The following FES variants were observed in gnomAD, a reference collection of about 807,000 sequenced individuals.
The protein encoded by FES is FES proto-oncogene, tyrosine kinase, also known as tyrosine-protein kinase Fes/Fps.
A neutral mutation model predicts 109.6 loss-of-function variants in FES; 83 were observed. The ratio of observed to expected loss-of-function variants is 0.76; its 90% confidence interval spans 0.63 to 0.91. The LOEUF (loss-of-function observed/expected upper bound fraction) is 0.91. Ranked by LOEUF, FES falls within the 40% of genes least tolerant of loss-of-function variation. The pLI is 0.00. For synonymous variants in FES, 458 were observed against 442.1 expected (o/e 1.04, Z -0.45); for missense variants, 943 against 1,070.9 (o/e 0.88, Z 1.67).
intron 10 of FES, 73 bp downstream of exon 10, chr15:90,890,557 G>A: frequency 7.2e-7 from 1 of 1,389,098 alleles, no homozygotes. Context: ...CTAGAGAGGA[G>A]GCTCTGCCCA....
At position 90,885,579 on chromosome 15, in the gene FES, C is replaced by T. The variant is rs1253773966; in HGVS notation, c.381C>T (p.Leu127=). The T allele has an allele frequency of 1.9e-6, 3 of 1,612,660 alleles. No individual in the cohort carries two copies. The highest frequency in any genetic ancestry group is 2.5e-6 in the Non-Finnish European group (3 of 1,179,830). The change falls in exon 3 of 19, where the codon CTC becomes CTT. Residue 127 remains leucine (L), a synonymous_variant. Transcript: ENST00000328850. ...SEQWQQLQQE[L]TKTHSQDIEK... is the part of the protein sequence containing the mutation. ...AGTGGCAGCAGCTGCAGCAGGAGCTCACCAAGGTGAGCGGGCAGCACTGGG... is the reference window on the plus strand; with the variant it reads ...AGTGGCAGCAGCTGCAGCAGGAGCTTACCAAGGTGAGCGGGCAGCACTGGG...
intron 11 of FES, 169 bp downstream of exon 11, chr15:90,891,360 A>G (rs1002275129): frequency 1.3e-5 from 14 of 1,050,612 alleles, no homozygotes; most frequent in Non-Finnish European, 1.8e-5. Context: ...GCAACAAAAT[A>G]GAGGCTTAAG....
chr15:90,890,541 G>A, intron 10 of FES, 57 bp downstream of exon 10: 1 of 1,496,332 alleles, frequency 6.7e-7, no homozygotes, highest in East Asian at 2.3e-5. Flanking sequence ...TAATCACTGG[G>A]ATGTCCTAGA....
Position 90,890,586 on chromosome 15 carries a change from G to C in FES, c.1320+102G>C, listed in dbSNP as rs1180917971. The C allele has an allele frequency of 6.5e-6, 7 of 1,078,550 alleles. No homozygotes were observed. In the Admixed American group the frequency reaches 1.6e-4, roughly 25 times the overall value. 66.8% of individuals were successfully genotyped at this position (1,078,550 alleles called of 1,614,324 possible). ...CTGCCCAGGCTGCTTGTATTGGGAAGTTCCTCTCTTCCCTGGGATTCCAGG... is the reference window on the plus strand; with the variant it reads ...CTGCCCAGGCTGCTTGTATTGGGAACTTCCTCTCTTCCCTGGGATTCCAGG... On this transcript the variant is annotated intron_variant, in intron 10 of 18. Transcript: ENST00000328850.
At chr15:90,891,269 A>C (rs1474297747) in intron 11 of FES, 78 bp downstream of exon 11, 13 of 1,496,002 alleles carry the variant, frequency 8.7e-6, no homozygotes, top group Non-Finnish European at 1.2e-5. Context: ...ATGGCCTTTC[A>C]GGGTAGGGGG....
Position 90,892,562 on chromosome 15 carries a change from G to T in FES, c.1708-145G>T. ...CCCCATGTGCTCTCTAGGTTCCCCA[G>T]CGAGGGTCAAACTCCCAGAGAGCCT... On this transcript the variant is annotated intron_variant, in intron 13 of 18. Transcript: ENST00000328850. 16 of 678,232 alleles carry T rather than the reference G, an allele frequency of 2.4e-5. No homozygotes were observed. In the South Asian group the frequency reaches 2.9e-4, roughly 12 times the overall value. The allele number at this position is 678,232 out of a possible 1,614,324, so 42.0% of individuals were successfully genotyped here.
rs753989603 is a variant in FES at position 90,885,161 on chromosome 15, A to G, written c.116A>G (p.Lys39Arg). The G allele has an allele frequency of 6.2e-7, 1 of 1,613,948 alleles. No homozygotes were observed. The highest frequency in any genetic ancestry group is 8.5e-7 in the Non-Finnish European group (1 of 1,180,024). Reference protein sequence around the residue: ...GMRKWMAQRVKSDREYAGLLH... With the variant: ...GMRKWMAQRVRSDREYAGLLH... ...AGAAAGTGGATGGCCCAGCGGGTCA[A>G]GAGTGACAGGGAGTATGCAGGACTG... is the stretch of plus-strand genomic sequence containing the variant. The change falls in exon 2 of 19, where the codon AAG (lysine) becomes AGG (arginine). Residue 39 changes from lysine (K) to arginine (R), a missense_variant. Lys to Arg is a conservative substitution (Grantham distance 26). Coordinates refer to ENST00000328850, the MANE Select transcript of FES (RefSeq NM_002005.4).
chr15:90,891,047 C>G lies in FES; in HGVS notation c.1386C>G (p.His462Gln). 6.3e-7 allele frequency: 1 copy of G among 1,598,912 alleles called. No individual in the cohort carries two copies. The highest frequency in any genetic ancestry group is 8.5e-7 in the Non-Finnish European group (1 of 1,172,610). ...QKPLHEQLWY[H>Q]GAIPRAEVAE... ...CCCTGCATGAGCAGCTGTGGTACCACGGGGCCATCCCGAGGGCAGAGGTGG... is the reference window on the plus strand; with the variant it reads ...CCCTGCATGAGCAGCTGTGGTACCAGGGGGCCATCCCGAGGGCAGAGGTGG... The change falls in exon 11 of 19, where the codon CAC becomes CAG. Residue 462 changes from histidine to glutamine, a missense_variant. By Grantham distance (24) the His-to-Gln change is conservative. Transcript: ENST00000328850.
At chr15:90,894,355 C>T (rs2033517084) in intron 18 of FES, among the ~76,000 whole-genome samples, 1 of 152,126 alleles carries the variant, frequency 6.6e-6, no homozygotes, top group Non-Finnish European at 1.5e-5. Context: ...GAGGCCGAGG[C>T]AGGTGGATCA....
rs746684562 is a variant in FES, at chr15:90,895,459, C to T, written c.2370C>T (p.Phe790=). 6.9e-6 allele frequency: 11 copies of T among 1,587,978 alleles called. No homozygotes were observed. In the South Asian group the frequency reaches 1.1e-4, roughly 16 times the overall value. The change falls in exon 19 of 19, where the codon TTC becomes TTT. Residue 790 remains phenylalanine (F), a synonymous_variant. Transcript: ENST00000328850. ...PCPELCPDAV[F]RLMEQCWAYE... is the part of the protein sequence containing the mutation. ...CAGAGCTGTGTCCTGATGCCGTGTTCAGGCTCATGGAGCAGTGCTGGGCCT... is the reference window on the plus strand; with the variant it reads ...CAGAGCTGTGTCCTGATGCCGTGTTTAGGCTCATGGAGCAGTGCTGGGCCT...
rs751635814 is a variant in FES, at chr15:90,892,807, A to G, written c.1808A>G (p.Lys603Arg). ...ACGCTCCCACCTGACCTCAAGGCCA[A>G]GTTTCTACAGGAAGCGAGGTGGGTG... is the stretch of plus-strand genomic sequence containing the variant. ...RETLPPDLKA[K>R]FLQEARILKQ... The change falls in exon 14 of 19, where the codon AAG becomes AGG. Residue 603 changes from lysine to arginine, a missense_variant. Lys to Arg is a conservative substitution (Grantham distance 26). Coordinates refer to ENST00000328850, the MANE Select transcript of FES (RefSeq NM_002005.4). 7.2e-5 allele frequency: 116 copies of G among 1,613,722 alleles called. No homozygotes were observed. The highest frequency in any genetic ancestry group is 9.2e-5 in the Non-Finnish European group (108 of 1,179,866).
chr15:90,892,556 TC>T, intron 13 of FES, 150 bp from the exon 14 acceptor site: 2 of 652,720 alleles, frequency 3.1e-6, no homozygotes, highest in South Asian at 2.0e-5. Context: ...CTCTCTAGGT[TC>T]CCCAGCGAGG....
chr15:90,891,372 G>GT (rs1193071232), intron 11 of FES, 181 bp downstream of exon 11: 6 of 1,057,860 alleles, frequency 5.7e-6, no homozygotes, highest in Non-Finnish European at 8.3e-6. Flanking sequence ...AGGCTTAAGT[G>GT]TGAGTCCTCC....
In FES at chr15:90,891,541, C is replaced by T; in HGVS notation, c.1531-13C>T. The T allele has an allele frequency of 1.2e-6, 2 of 1,613,412 alleles. No individual in the cohort carries two copies. Among genetic ancestry groups the T allele is most frequent in the African/African-American group, 1.3e-5 (1 of 75,066 alleles). ...GAATGGAGGCTGCTGACCCCGGGTC[C>T]CCTGCCCTGCAGAACCTGTACCGAC... is the stretch of plus-strand genomic sequence containing the variant. On this transcript the variant is annotated splice_polypyrimidine_tract_variant and intron_variant, in intron 11 of 18. Coordinates refer to ENST00000328850, the MANE Select transcript of FES (RefSeq NM_002005.4).
rs1225662237 is a variant in FES at position 90,894,012 on chromosome 15, C to G, written c.2280C>G (p.Pro760=). ...AGACCTTCAGCCTGGGGGCCTCCCCCTATCCCAACCTCAGCAATCAGCAGA... is the reference window on the plus strand; with the variant it reads ...AGACCTTCAGCCTGGGGGCCTCCCCGTATCCCAACCTCAGCAATCAGCAGA... ...LWETFSLGAS[P]YPNLSNQQTR... The change falls in exon 18 of 19, where the codon CCC becomes CCG. Residue 760 remains proline (P), a synonymous_variant. Transcript: ENST00000328850. The G allele has an allele frequency of 1.2e-6, 2 of 1,613,786 alleles. No individual in the cohort carries two copies. The highest frequency in any genetic ancestry group is 3.3e-5 in the Admixed American group (2 of 60,008).
At chr15:90,887,165 C>A (rs766254990) in intron 4 of FES, 22 bp from the exon 5 acceptor site, 3 of 1,612,220 alleles carry the variant, frequency 1.9e-6, no homozygotes, top group South Asian at 1.1e-5. Flanking sequence ...GTCATCTATA[C>A]CCCTTGCCCC....
chr15:90,890,505 GC>G (rs769047058), intron 10 of FES, 21 bp downstream of exon 10: 1 of 1,603,770 alleles, frequency 6.2e-7, no homozygotes. Context: ...CCCAGCCTGG[GC>G]CCCCCTACTG....
Position 90,885,157 on chromosome 15 carries a change from G to T in FES, c.112G>T (p.Val38Phe). The T allele has an allele frequency of 1.2e-6, 2 of 1,613,988 alleles. No individual in the cohort carries two copies. The highest frequency in any genetic ancestry group is 2.2e-5 in the East Asian group (1 of 44,890). ...CATGAGAAAGTGGATGGCCCAGCGG[G>T]TCAAGAGTGACAGGGAGTATGCAGG... ...EGMRKWMAQR[V>F]KSDREYAGLL... Residue 38 changes from valine to phenylalanine, a missense_variant, in exon 2 of 19, where the codon GTC (valine) becomes TTC (phenylalanine). Val to Phe is a conservative substitution (Grantham distance 50). Coordinates refer to ENST00000328850, the MANE Select transcript of FES (RefSeq NM_002005.4).
intron 13 of FES, 148 bp downstream of exon 13, chr15:90,892,259 T>C (rs1283574986): frequency 9.7e-6 from 8 of 823,898 alleles, no homozygotes; most frequent in Middle Eastern, 3.1e-4. Context: ...CCACACACCA[T>C]CCTCCAGGAA....
Sources: allele counts gnomAD v4.1 joint callset (sites outside exome capture counted in the v4.1 genomes callset), GRCh38; gene constraint gnomAD v4.1.1; transcripts MANE v1.5; gene names NCBI Gene and HGNC (gene_info 2026-07-23, HGNC 2026-07-21).